FAM124A: variants seen among roughly 807,000 people sequenced by gnomAD.
The protein encoded by FAM124A is family with sequence similarity 124 member A.
In FAM124A, 23 loss-of-function variants were observed where a neutral mutation model predicts 24.5. The observed-to-expected ratio is 0.94, with a 90% CI of 0.68 to 1.33. FAM124A has a LOEUF of 1.33. Ranked by LOEUF, FAM124A falls within the 40% of genes most tolerant of loss-of-function variation. The pLI, the probability that FAM124A is intolerant of heterozygous loss-of-function variation, is 0.00. For synonymous variants in FAM124A, 287 were observed against 314.7 expected, an observed-to-expected ratio of 0.91 and a Z score of 0.93; for missense variants, 623 against 722.8, an observed-to-expected ratio of 0.86 and a Z score of 1.58.
chr13:51,276,697 TG>T (rs1954888671), intron 3 of FAM124A, among the ~76,000 whole-genome samples: 1 of 152,152 alleles, frequency 6.6e-6, no homozygotes, highest in African/African-American at 2.4e-5. Flanking sequence ...AAGCAAAACA[TG>T]GTATTTTTCT....
intron 3 of FAM124A, among the ~76,000 whole-genome samples, chr13:51,275,654 A>G (rs1366333058): frequency 6.6e-6 from 1 of 152,254 alleles, no homozygotes; most frequent in African/African-American, 2.4e-5. Context: ...CATCAGGGAA[A>G]TGCAAATTAA....
chr13:51,231,276 CTG>C lies in FAM124A; in HGVS notation c.69-70_69-69del, dbSNP rs557293031. The C allele has an allele frequency of 6.8e-5, 105 of 1,551,068 alleles. 1 individual carries two copies. The South Asian group carries it at 1.1e-3, about 16-fold the overall frequency. On this transcript the variant is annotated intron_variant, in intron 1 of 3. Coordinates refer to ENST00000322475, the MANE Select transcript of FAM124A (RefSeq NM_001242312.2). ...CCAGCTAAATGCTACTTACCACTGA[CTG>C]TTTAAAATTCTGGCTTGAATAAATC...
intron 3 of FAM124A, among the ~76,000 whole-genome samples, chr13:51,259,474 C>T (rs963840777): frequency 6.6e-6 from 1 of 151,982 alleles, no homozygotes; most frequent in Non-Finnish European, 1.5e-5. Flanking sequence ...CCCATGCTTG[C>T]CTCCCCCTTC....
At chr13:51,262,309 A>T (rs778559716) in intron 3 of FAM124A, among the ~76,000 whole-genome samples, 61 of 152,122 alleles carry the variant, frequency 4.0e-4, no homozygotes, top group Admixed American at 2.0e-4. Context: ...CCTTCTTTTG[A>T]TGTTTTCATA....
At chr13:51,240,211 A>G (rs777033134) in intron 2 of FAM124A, among the ~76,000 whole-genome samples, 1 of 152,246 alleles carries the variant, frequency 6.6e-6, no homozygotes, top group Non-Finnish European at 1.5e-5. Flanking sequence ...GAAAACTAAG[A>G]TGATCCCATC....
At chr13:51,279,392 AC>A (rs1322951733) in intron 3 of FAM124A, among the ~76,000 whole-genome samples, 1 of 152,004 alleles carries the variant, frequency 6.6e-6, no homozygotes, top group African/African-American at 2.4e-5. Context: ...CTTGTAGTAA[AC>A]CCCAGTCAGA....
intron 3 of FAM124A, among the ~76,000 whole-genome samples, chr13:51,273,966 T>C (rs1954862640): frequency 6.6e-6 from 1 of 152,196 alleles, no homozygotes; most frequent in African/African-American, 2.4e-5. Flanking sequence ...AAAATAAATA[T>C]TCGGGGAAAG....
At chr13:51,225,950 A>C (rs1462433469) in intron 1 of FAM124A, among the ~76,000 whole-genome samples, 1 of 140,944 alleles carries the variant, frequency 7.1e-6, no homozygotes, top group Non-Finnish European at 1.5e-5. Flanking sequence ...AAAAGATGAT[A>C]ATCTGTAATG....
chr13:51,279,599 G>A (rs772606088), intron 3 of FAM124A, among the ~76,000 whole-genome samples: 6 of 152,158 alleles, frequency 3.9e-5, no homozygotes, highest in African/African-American at 4.8e-5. Flanking sequence ...GTGCAAATGC[G>A]CATTGGAAGA....
intron 2 of FAM124A, among the ~76,000 whole-genome samples, chr13:51,234,176 G>A (rs1185421347): frequency 6.6e-6 from 1 of 152,198 alleles, no homozygotes; most frequent in Non-Finnish European, 1.5e-5. Context: ...GCGTGTGCAA[G>A]TGATTCTTAC....
chr13:51,274,165 G>C (rs1954864579), intron 3 of FAM124A, among the ~76,000 whole-genome samples: 1 of 152,068 alleles, frequency 6.6e-6, no homozygotes, highest in African/African-American at 2.4e-5. Context: ...TTGTTTCCTA[G>C]AACTTCTAGG....
chr13:51,249,336 C>A (rs774336081), intron 2 of FAM124A, among the ~76,000 whole-genome samples: 1 of 152,148 alleles, frequency 6.6e-6, no homozygotes, highest in Non-Finnish European at 1.5e-5. Context: ...CATGCTCAGC[C>A]AGCAGGAAGG....
chr13:51,227,542 C>T (rs1954328069), intron 1 of FAM124A: 1 of 152,216 alleles, frequency 6.6e-6, no homozygotes, highest in Non-Finnish European at 1.5e-5. Flanking sequence ...CTTTTATGTA[C>T]TTTCTGTTAG....
chr13:51,263,036 G>A (rs762957291), intron 3 of FAM124A, among the ~76,000 whole-genome samples: 12 of 152,176 alleles, frequency 7.9e-5, no homozygotes, highest in Non-Finnish European at 1.6e-4. Flanking sequence ...GGAAGGCTAC[G>A]GGCCCTTAGT....
At chr13:51,250,912 T>C (rs1400463696) in intron 2 of FAM124A, among the ~76,000 whole-genome samples, 1 of 152,210 alleles carries the variant, frequency 6.6e-6, no homozygotes, top group Non-Finnish European at 1.5e-5. Context: ...TCTCTTGTCC[T>C]CCATCATTCG....
chr13:51,271,011 A>T (rs1354308866), intron 3 of FAM124A, among the ~76,000 whole-genome samples: 1 of 152,232 alleles, frequency 6.6e-6, no homozygotes, highest in East Asian at 1.9e-4. Flanking sequence ...CAAAATTAAA[A>T]TTTATTGAGA....
chr13:51,236,022 C>T (rs1954431405), intron 2 of FAM124A, among the ~76,000 whole-genome samples: 1 of 152,222 alleles, frequency 6.6e-6, no homozygotes, highest in East Asian at 1.9e-4. Context: ...CTTTTTCCAG[C>T]TTCCTGCTCT....
At chr13:51,260,144 A>G (rs929419458) in intron 3 of FAM124A, among the ~76,000 whole-genome samples, 1 of 152,142 alleles carries the variant, frequency 6.6e-6, no homozygotes, top group Non-Finnish European at 1.5e-5. Flanking sequence ...GCAGGGCCAG[A>G]GAGTAAAGCA....
At chr13:51,233,137 A>G (rs1954397248) in intron 2 of FAM124A, among the ~76,000 whole-genome samples, 2 of 151,978 alleles carry the variant, frequency 1.3e-5, no homozygotes, top group South Asian at 4.1e-4. Flanking sequence ...ACAAGTAGGG[A>G]TTCGTTTTCC....
Sources: allele counts gnomAD v4.1 joint callset (sites outside exome capture counted in the v4.1 genomes callset), GRCh38; gene constraint gnomAD v4.1.1; transcripts MANE v1.5; gene names NCBI Gene and HGNC (gene_info 2026-07-23, HGNC 2026-07-21).